SLC2A11: variants seen among roughly 807,000 people sequenced by gnomAD.
SLC2A11 encodes the protein solute carrier family 2 member 11, also known as solute carrier family 2, facilitated glucose transporter member 11.
A neutral mutation model predicts 52.1 loss-of-function variants in SLC2A11; 43 were observed. The ratio of observed to expected loss-of-function variants is 0.82; its 90% CI spans 0.65 to 1.06. The LOEUF is 1.06. Ranked by LOEUF, SLC2A11 falls within the 50% of genes least tolerant of loss-of-function variation. SLC2A11 has a pLI of 0.00. For missense variants in SLC2A11, 582 were observed against 654.2 expected (o/e 0.89, Z 1.20); for synonymous variants, 261 against 277.6 (o/e 0.94, Z 0.59).
At chr22:23,870,246 C>G in intron 3 of SLC2A11, 1 of 542,268 alleles carries the variant, frequency 1.8e-6, no homozygotes, top group Non-Finnish European at 3.2e-6. Flanking sequence ...GTACAGTTGG[C>G]ATAAGCATGA....
intron 6 of SLC2A11, chr22:23,879,926 T>TA (rs1186515757): frequency 6.6e-6 from 1 of 152,210 alleles, no homozygotes; most frequent in Non-Finnish European, 1.5e-5. Context: ...TTCCTGCCTA[T>TA]AGAGAGTTGG....
upstream of SLC2A11, chr22:23,857,239 C>CA (rs1474680522): frequency 4.2e-6 from 3 of 719,656 alleles, no homozygotes; most frequent in African/African-American, 5.3e-5. Context: ...CAGCGAGAGA[C>CA]AGAGACCCGC....
chr22:23,858,678 G>A (rs2031945676), intron 1 of SLC2A11, among the ~76,000 whole-genome samples: 1 of 152,116 alleles, frequency 6.6e-6, no homozygotes, highest in Non-Finnish European at 1.5e-5. Context: ...CAGCGTGGGC[G>A]ACGTAGCGAG....
rs1225512870 is a variant in SLC2A11, at chr22:23,882,130, AGAG to A, written c.695-328_695-326del. 109 of 371,548 alleles carry A rather than the reference AGAG, an allele frequency of 2.9e-4. 3 individuals are homozygous for A. The highest frequency in any genetic ancestry group is 2.5e-3 in the African/African-American group (81 of 32,782). 23.0% of individuals were successfully genotyped at this position (371,548 alleles called of 1,614,324 possible). A position where few individuals can be genotyped will look rare whatever the true frequency, so the allele number is the denominator to read the frequency against. On this transcript the variant is annotated intron_variant, in intron 6 of 11. Transcript: ENST00000316185. ...GATTGAGAAAGACAGGCAGAGAGAG[AGAG>A]AAACACACACACACAGACACAGAGA... is the stretch of plus-strand genomic sequence containing the variant.
chr22:23,870,816 C>T (rs2146121190), intron 3 of SLC2A11: 1 of 152,100 alleles, frequency 6.6e-6, no homozygotes, highest in Non-Finnish European at 1.5e-5. Context: ...CCTCAGCCTC[C>T]CGAGTAGTTG....
intron 2 of SLC2A11, chr22:23,865,154 C>T (rs13055321): frequency 0.36 from 52,497 of 147,576 alleles, 9,749 homozygotes; most frequent in Middle Eastern, 0.45. Flanking sequence ...CAGTGGCTCA[C>T]GCCTGTAATC....
At position 23,882,717 on chromosome 22, in the gene SLC2A11, G is replaced by C. The variant is rs374795850; in HGVS notation, c.883-42G>C. ...TGTTGCAGGCCGCTGGGAGCCATGG[G>C]AGGTGGAAGGGAGCCCAGGCCTGAA... is the stretch of plus-strand genomic sequence containing the variant. On this transcript the variant is annotated intron_variant, in intron 7 of 11. Transcript: ENST00000316185. 1.9e-6 allele frequency: 3 copies of C among 1,606,582 alleles called. No homozygotes were observed. The African/African-American group carries it at 4.0e-5, about 22-fold the overall frequency.
At chr22:23,877,206 C>T (rs767289980) in intron 5 of SLC2A11, 35 bp downstream of exon 5, 5 of 1,585,360 alleles carry the variant, frequency 3.2e-6, no homozygotes, top group Admixed American at 1.8e-5. Context: ...TTGAGTATTT[C>T]GGAGATACCA....
intron 5 of SLC2A11, 65 bp from the exon 6 acceptor site, chr22:23,877,656 G>A (rs1044222890): frequency 7.3e-6 from 11 of 1,501,790 alleles, no homozygotes; most frequent in Non-Finnish European, 9.8e-6. Context: ...TAGGTGGGCA[G>A]GAGAGCAGGG....
intron 6 of SLC2A11, chr22:23,880,458 A>G (rs2032763736): frequency 6.6e-6 from 1 of 152,040 alleles, no homozygotes; most frequent in Non-Finnish European, 1.5e-5. Flanking sequence ...ATTATTTTTG[A>G]GACAGGCTTC....
rs2032525040 is a variant in SLC2A11 at position 23,873,507 on chromosome 22, AC to A, written c.291-1608del. On this transcript the variant is annotated intron_variant, in intron 3 of 11. Transcript: ENST00000316185. The stretch of plus-strand genomic sequence containing the variant: ...GTATTTTTAGTAGAGATGGGGTTTC[AC>A]CATGTTGGCCAGGCTGGTCTCGAAC... Among the ~76,000 whole-genome samples the A allele has an allele frequency of 2.0e-5, 3 of 152,062 alleles. 1 individual carries two copies. The South Asian group carries it at 6.2e-4, about 32-fold the overall frequency.
At chr22:23,882,950 C>G in intron 8 of SLC2A11, 81 bp downstream of exon 8, 1 of 1,275,364 alleles carries the variant, frequency 7.8e-7, no homozygotes, top group Non-Finnish European at 1.1e-6. Flanking sequence ...AGTTTACACT[C>G]CAGCTTATGG....
In SLC2A11 at chr22:23,875,216, A is replaced by G. The variant is rs371425900; in HGVS notation, c.390A>G (p.Gly130=). The change falls in exon 4 of 12, where the codon GGA becomes GGG. Residue 130 remains glycine, a synonymous_variant. Transcript: ENST00000316185. The stretch of plus-strand genomic sequence containing the variant: ...GCTCCTTTGAGATGATCATGCTGGG[A>G]AGACTGCTCGTGGGAGTCAATGCAG... ...KAGSFEMIML[G]RLLVGVNAGV... 2.6e-6 allele frequency: 4 copies of G among 1,533,128 alleles called. No individual in the cohort carries two copies. In the African/African-American group the frequency reaches 5.5e-5, roughly 21 times the overall value. The allele number at this position is 1,533,128 out of a possible 1,614,324, so 95.0% of individuals were successfully genotyped here.
chr22:23,868,359 A>G (rs932133970), intron 2 of SLC2A11, 122 bp from the exon 3 acceptor site: 9 of 1,223,154 alleles, frequency 7.4e-6, no homozygotes, highest in African/African-American at 6.0e-5. Context: ...CTCAGAAGAC[A>G]CGGTGCCTGT....
At chr22:23,866,408 G>C (rs1049124369) in intron 2 of SLC2A11, 5 of 168,432 alleles carry the variant, frequency 3.0e-5, no homozygotes, top group African/African-American at 9.6e-5. Flanking sequence ...TCTCCCTTGT[G>C]TTCTGTTCTG....
rs1287201820 is a variant in SLC2A11, at chr22:23,865,105, A to C, written c.129+2903A>C. ...CTGGGCGACAGGGAGACTCCCTCTC[A>C]AAAAAAAAAAAAAAAAAACCAGAAA... On this transcript the variant is annotated intron_variant, in intron 2 of 11. Transcript: ENST00000316185. 1.9e-3 allele frequency: 23 copies of C among 12,388 alleles called. No homozygotes were observed. The South Asian group carries it at 0.032, about 17-fold the overall frequency. 0.8% of individuals were successfully genotyped at this position (12,388 alleles called of 1,614,324 possible).
chr22:23,875,809 T>G (rs1291667486), intron 4 of SLC2A11, among the ~76,000 whole-genome samples: 1 of 152,192 alleles, frequency 6.6e-6, no homozygotes, highest in Non-Finnish European at 1.5e-5. Context: ...CAAAATTAAG[T>G]GACTTAAAAT....
chr22:23,867,770 G>A, intron 2 of SLC2A11: 3 of 470,248 alleles, frequency 6.4e-6, no homozygotes, highest in Non-Finnish European at 1.3e-5. Flanking sequence ...ACACATTGAG[G>A]TGCTGGGAAG....
Position 23,885,238 on chromosome 22 carries a change from C to T in SLC2A11, c.*389C>T, listed in dbSNP as rs1007050315. 3 of 331,244 alleles carry T rather than the reference C, an allele frequency of 9.1e-6. No homozygotes were observed. The East Asian group carries it at 1.5e-4, about 17-fold the overall frequency. 20.5% of individuals were successfully genotyped at this position (331,244 alleles called of 1,614,324 possible). A position where few individuals can be genotyped will look rare whatever the true frequency, so the allele number is the denominator to read the frequency against. On this transcript the variant is annotated 3_prime_UTR_variant, in exon 12 of 12. Transcript: ENST00000316185. ...GGCATGGTGGTATGTGCTAACAGCT[C>T]TAGCTACTCAGGAGGCTGAGGCAGC...
Sources: allele counts gnomAD v4.1 joint callset (sites outside exome capture counted in the v4.1 genomes callset), GRCh38; gene constraint gnomAD v4.1.1; transcripts MANE v1.5; gene names NCBI Gene and HGNC (gene_info 2026-07-23, HGNC 2026-07-21).